TLL1: variants seen among roughly 807,000 people sequenced by gnomAD.
TLL1 encodes the protein tolloid-like protein 1.
In TLL1, 49 loss-of-function variants were observed where a neutral mutation model predicts 128.2. That is an observed-to-expected ratio of 0.38 (90% CI 0.30 to 0.48). TLL1 has a LOEUF of 0.48. Ranked by LOEUF, TLL1 falls within the 20% of genes least tolerant of loss-of-function variation. The pLI is 0.96. For missense variants in TLL1, 1,123 were observed against 1,242.0 expected (o/e 0.90, Z 1.44); for synonymous variants, 454 against 418.8 (o/e 1.08, Z -1.03).
Position 166,060,031 on chromosome 4 carries a change from C to A in TLL1, c.1850C>A (p.Ala617Asp), listed in dbSNP as rs576376011. 6.2e-7 allele frequency: 1 copy of A among 1,613,578 alleles called. No individual in the cohort carries two copies. Among genetic ancestry groups the A allele is most frequent in the African/African-American group, 1.3e-5 (1 of 74,936 alleles). The change falls in exon 15 of 21, where the codon GCT becomes GAT. Residue 617 changes from alanine to aspartate, a missense_variant. Ala to Asp is a moderately radical substitution (Grantham distance 126). This residue lies in a region of TLL1 where 634 missense variants were observed against 672.4 expected (regional missense o/e 0.94). Transcript: ENST00000061240. ...TTTTTCTTTTCTTTTCTTCTAGCTG[C>A]TTGTGGTGGACTTCTTACCAAACTT... ...LGPDRRSCEA[A>D]CGGLLTKLNG... is the part of the protein sequence containing the mutation.
chr4:165,944,180 C>T (rs553020902), intron 1 of TLL1, among the ~76,000 whole-genome samples: 62 of 152,238 alleles, frequency 4.1e-4, no homozygotes, highest in Middle Eastern at 6.8e-3. Flanking sequence ...CAAATTTTGA[C>T]ATTCTATTGC....
chr4:165,979,121 C>G (rs891944300), intron 1 of TLL1, among the ~76,000 whole-genome samples: 2 of 152,052 alleles, frequency 1.3e-5, no homozygotes, highest in South Asian at 4.1e-4. Flanking sequence ...ACTCTGTATT[C>G]AAATTCTAGG....
chr4:165,938,275 T>C (rs557046071), intron 1 of TLL1, among the ~76,000 whole-genome samples: 16 of 152,212 alleles, frequency 1.1e-4, no homozygotes, highest in East Asian at 9.7e-4. Flanking sequence ...TCATGTTTTA[T>C]TGTAGGTTTC....
chr4:166,044,802 T>C (rs559477715), intron 12 of TLL1, among the ~76,000 whole-genome samples: 1 of 152,340 alleles, frequency 6.6e-6, no homozygotes, highest in South Asian at 2.1e-4. Context: ...TTTCAAGAAT[T>C]AAGAGATTAA....
At chr4:165,993,792 C>T (rs534338947) in intron 3 of TLL1, among the ~76,000 whole-genome samples, 5 of 152,188 alleles carry the variant, frequency 3.3e-5, no homozygotes, top group African/African-American at 1.2e-4. Flanking sequence ...GTGTACTGAC[C>T]TCTAAATCAT....
rs149657904 is a variant in TLL1, at chr4:165,948,665, T to C, written c.170-40716T>C. 1.7e-3 allele frequency among the ~76,000 whole-genome samples: 255 copies of C among 152,228 alleles called. 1 individual carries two copies. Among genetic ancestry groups the C allele is most frequent in the Middle Eastern group, 6.8e-3 (2 of 294 alleles). The stretch of plus-strand genomic sequence containing the variant: ...TTCTCTTCCTGTCCCAGTTTTGTGA[T>C]AATCCATTAATGCATTAATCCATGA... On this transcript the variant is annotated intron_variant, in intron 1 of 20. Coordinates refer to ENST00000061240, the MANE Select transcript of TLL1 (RefSeq NM_012464.5).
chr4:165,895,487 A>G (rs1731627460), intron 1 of TLL1, among the ~76,000 whole-genome samples: 4 of 152,072 alleles, frequency 2.6e-5, no homozygotes, highest in Admixed American at 2.6e-4. Context: ...TTGCTGAGAG[A>G]TTTTAAAGAA....
At chr4:166,085,567 T>C (rs1453881664) in intron 18 of TLL1, among the ~76,000 whole-genome samples, 2 of 152,132 alleles carry the variant, frequency 1.3e-5, no homozygotes, top group African/African-American at 4.8e-5. Context: ...TCTGTTAATG[T>C]CGTGCATCAC....
At chr4:166,033,533 G>A (rs529235809) in intron 9 of TLL1, among the ~76,000 whole-genome samples, 3 of 152,208 alleles carry the variant, frequency 2.0e-5, no homozygotes, top group South Asian at 4.1e-4. Context: ...TTGGGCAAGA[G>A]AAAAATATTG....
intron 5 of TLL1, among the ~76,000 whole-genome samples, chr4:166,002,893 A>G (rs1354528255): frequency 6.6e-6 from 1 of 152,234 alleles, no homozygotes; most frequent in African/African-American, 2.4e-5. Context: ...AAGAGGAAAA[A>G]TAAACTTTCT....
At chr4:166,078,391 T>C (rs1434414195) in intron 18 of TLL1, among the ~76,000 whole-genome samples, 2 of 152,166 alleles carry the variant, frequency 1.3e-5, no homozygotes, top group African/African-American at 4.8e-5. Context: ...GAATAATATT[T>C]CACTTAAACC....
intron 1 of TLL1, among the ~76,000 whole-genome samples, chr4:165,973,079 C>A (rs1735701396): frequency 1.3e-5 from 2 of 152,054 alleles, no homozygotes; most frequent in South Asian, 4.1e-4. Flanking sequence ...AGTCAGGGTT[C>A]TCCAGAGGGA....
chr4:166,059,913 C>A (rs1316090902), intron 14 of TLL1, 115 bp from the exon 15 acceptor site: 2 of 1,287,370 alleles, frequency 1.6e-6, no homozygotes, highest in East Asian at 2.3e-5. Context: ...ATTTTAAAAT[C>A]CAGAAGATAG....
intron 16 of TLL1, among the ~76,000 whole-genome samples, chr4:166,071,357 A>G (rs1026620248): frequency 5.9e-5 from 9 of 151,676 alleles, no homozygotes; most frequent in African/African-American, 1.9e-4. Context: ...CCTTTTTCCT[A>G]ATGATGGGCC....
At chr4:166,021,332 C>A (rs1212234950) in intron 8 of TLL1, among the ~76,000 whole-genome samples, 1 of 152,136 alleles carries the variant, frequency 6.6e-6, no homozygotes, top group East Asian at 1.9e-4. Flanking sequence ...GGCCATCCAG[C>A]AGCCCAAGCC....
At chr4:166,036,312 G>C (rs188731791) in intron 9 of TLL1, among the ~76,000 whole-genome samples, 15 of 152,174 alleles carry the variant, frequency 9.9e-5, no homozygotes, top group African/African-American at 3.4e-4. Context: ...TCTATTCAAC[G>C]TTGCAACTTA....
Position 165,997,528 on chromosome 4 carries a change from C to T in TLL1, c.632+2350C>T, listed in dbSNP as rs116687444. Among the ~76,000 whole-genome samples the T allele has an allele frequency of 1.8e-3, 274 of 152,152 alleles. 1 individual carries two copies. The highest frequency in any genetic ancestry group is 6.2e-3 in the African/African-American group (256 of 41,538). On this transcript the variant is annotated intron_variant, in intron 5 of 20. Transcript: ENST00000061240. ...AAAGTTAGGCAACTGGTAACTCTTG[C>T]GATTTTTTAAAATAAGAGCTAAAAT...
At chr4:166,029,702 T>G (rs1738670193) in intron 9 of TLL1, among the ~76,000 whole-genome samples, 1 of 152,098 alleles carries the variant, frequency 6.6e-6, no homozygotes, top group African/African-American at 2.4e-5. Flanking sequence ...CAATCATCAT[T>G]CTACTTTCTG....
rs778475350 is a variant in TLL1, at chr4:165,873,909, G to A, written c.5G>A (p.Gly2Glu). ...CTTTTCCTCCGGGGGAGGAGGATGG[G>A]GTTGGGAACGCTTTCCCCGAGGATG... M[G>E]LGTLSPRMLV... is the part of the protein sequence containing the mutation. The change falls in exon 1 of 21, where the codon GGG becomes GAG. Residue 2 changes from glycine (G) to glutamate (E), a missense_variant. Gly to Glu is a moderately conservative substitution (Grantham distance 98). This residue lies in a region of TLL1 where 480 missense variants were observed against 542.4 expected (regional missense o/e 0.89). Transcript: ENST00000061240. The A allele has an allele frequency of 6.2e-7, 1 of 1,613,890 alleles. No individual in the cohort carries two copies. The highest frequency in any genetic ancestry group is 2.2e-5 in the East Asian group (1 of 44,844).
Sources: gnomAD v4.1 joint callset for allele counts (sites outside exome capture counted in the v4.1 genomes callset) on GRCh38, gnomAD v4.1.1 for gene constraint, gnomAD v4.1.1 regional missense constraint, MANE v1.5 for transcripts, NCBI Gene and HGNC (gene_info 2026-07-23, HGNC 2026-07-21) for gene names.